Variants in AGMO observed in about 807,000 individuals in gnomAD.
AGMO encodes alkylglycerol monooxygenase.
Under a neutral mutation model 60.2 loss-of-function variants are expected in AGMO, and 75 were observed. That is an observed-to-expected ratio of 1.25 (90% CI 1.03 to 1.51). The LOEUF is 1.51. Ranked by LOEUF, AGMO falls within the 40% of genes most tolerant of loss-of-function variation. AGMO has a pLI of 0.00. For missense variants in AGMO, 763 were observed against 525.5 expected (o/e 1.45, Z -4.42); for synonymous variants, 261 against 177.1 (o/e 1.47, Z -3.76).
intron 3 of AGMO, among the ~76,000 whole-genome samples, chr7:15,478,246 G>A (rs1583593866): frequency 6.6e-6 from 1 of 152,106 alleles, no homozygotes; most frequent in Non-Finnish European, 1.5e-5. Context: ...TCATGCACTC[G>A]ACTTGTTGTC....
chr7:15,505,286 G>C (rs1783483278), intron 3 of AGMO, among the ~76,000 whole-genome samples: 1 of 151,946 alleles, frequency 6.6e-6, no homozygotes, highest in Non-Finnish European at 1.5e-5. Context: ...AAGGTCCTCA[G>C]GATTTATGAG....
At chr7:15,234,923 A>T (rs1272782293) in intron 12 of AGMO, among the ~76,000 whole-genome samples, 1 of 152,168 alleles carries the variant, frequency 6.6e-6, no homozygotes, top group Non-Finnish European at 1.5e-5. Flanking sequence ...ACATAAATTT[A>T]TAAAGATCTG....
At chr7:15,126,652 A>G in the AGMO span, among the ~76,000 whole-genome samples, 1 of 152,124 alleles carries the variant, frequency 6.6e-6, no homozygotes, top group South Asian at 2.1e-4. Context: ...ATTGTGACTT[A>G]CTTTTCAATC....
chr7:15,554,655 T>A (rs1241866917), intron 2 of AGMO, among the ~76,000 whole-genome samples: 1 of 152,118 alleles, frequency 6.6e-6, no homozygotes. Flanking sequence ...AATTTGTCAA[T>A]GTTCAGTTAC....
chr7:15,264,375 C>A (rs1336071730), intron 12 of AGMO, among the ~76,000 whole-genome samples: 2 of 151,752 alleles, frequency 1.3e-5, no homozygotes, highest in East Asian at 1.9e-4. Context: ...TAATGGACAA[C>A]CCTAGACCCA....
chr7:15,300,630 T>G (rs1352467293), intron 12 of AGMO, among the ~76,000 whole-genome samples: 2 of 152,142 alleles, frequency 1.3e-5, no homozygotes, highest in Admixed American at 1.3e-4. Flanking sequence ...AATACAACAC[T>G]CATACTACAC....
the AGMO span, among the ~76,000 whole-genome samples, chr7:15,117,406 C>T: frequency 6.6e-6 from 1 of 152,020 alleles, no homozygotes; most frequent in African/African-American, 2.4e-5. Context: ...TAATATTCTA[C>T]ACCTTGATTG....
At chr7:15,523,302 T>G (rs1784049144) in intron 3 of AGMO, among the ~76,000 whole-genome samples, 1 of 152,188 alleles carries the variant, frequency 6.6e-6, no homozygotes, top group East Asian at 1.9e-4. Flanking sequence ...GAACTAGAAG[T>G]ACCATTTGAC....
chr7:15,319,790 A>AT (rs1563084630), intron 12 of AGMO, among the ~76,000 whole-genome samples: 1 of 151,988 alleles, frequency 6.6e-6, no homozygotes, highest in South Asian at 2.1e-4. Flanking sequence ...ATTTGACATA[A>AT]TTATTATTAT....
At chr7:15,291,406 A>G (rs957223674) in intron 12 of AGMO, among the ~76,000 whole-genome samples, 5 of 152,174 alleles carry the variant, frequency 3.3e-5, no homozygotes, top group African/African-American at 1.2e-4. Flanking sequence ...CTTCAGCTCT[A>G]TTGTATTTCT....
At chr7:15,494,944 A>G (rs926452900) in intron 3 of AGMO, among the ~76,000 whole-genome samples, 1 of 152,228 alleles carries the variant, frequency 6.6e-6, no homozygotes, top group Admixed American at 6.5e-5. Flanking sequence ...AAGAAGAAAG[A>G]CATTTTTACA....
chr7:15,325,848 T>C (rs1346992695), intron 12 of AGMO, among the ~76,000 whole-genome samples: 1 of 152,166 alleles, frequency 6.6e-6, no homozygotes, highest in African/African-American at 2.4e-5. Flanking sequence ...ACTATAGCAA[T>C]TTATGACATC....
intron 3 of AGMO, among the ~76,000 whole-genome samples, chr7:15,448,369 T>C (rs1268675420): frequency 6.6e-6 from 1 of 152,192 alleles, no homozygotes; most frequent in Non-Finnish European, 1.5e-5. Flanking sequence ...TGGTCATCTA[T>C]GGACCAGGAA....
intron 12 of AGMO, among the ~76,000 whole-genome samples, chr7:15,334,306 GGTGA>G (rs552883880): frequency 8.1e-5 from 10 of 123,770 alleles, no homozygotes; most frequent in African/African-American, 1.0e-4. Flanking sequence ...TTATAACCTT[GGTGA>G]GTTTTTTTTT....
intron 12 of AGMO, among the ~76,000 whole-genome samples, chr7:15,315,112 C>T (rs1384207651): frequency 2.0e-5 from 3 of 151,930 alleles, no homozygotes; most frequent in Non-Finnish European, 2.9e-5. Flanking sequence ...TTGATTTTGC[C>T]CTTGTGAAAC....
intron 4 of AGMO, among the ~76,000 whole-genome samples, chr7:15,420,508 G>A (rs1223616753): frequency 6.6e-6 from 1 of 152,050 alleles, no homozygotes; most frequent in Non-Finnish European, 1.5e-5. Flanking sequence ...TGAATCACAT[G>A]AGTGATAATT....
intron 12 of AGMO, among the ~76,000 whole-genome samples, chr7:15,248,865 C>T (rs1317713138): frequency 1.1e-4 from 16 of 152,286 alleles, no homozygotes; most frequent in East Asian, 3.9e-4. Flanking sequence ...GTTTCTACAA[C>T]GCCAATCACT....
intron 8 of AGMO, 30 bp downstream of exon 8, chr7:15,390,641 T>G: frequency 6.8e-7 from 1 of 1,463,124 alleles, no homozygotes; most frequent in Non-Finnish European, 9.4e-7. Context: ...ATGATATAAA[T>G]GAAGAAAGAA....
chr7:15,289,386 A>G (rs1191915644), intron 12 of AGMO, among the ~76,000 whole-genome samples: 1 of 152,048 alleles, frequency 6.6e-6, no homozygotes, highest in African/African-American at 2.4e-5. Context: ...AAAAAAAAGT[A>G]GGTACATTTT....
Sources: gnomAD v4.1 joint callset for allele counts (sites outside exome capture counted in the v4.1 genomes callset) on GRCh38, gnomAD v4.1.1 for gene constraint, MANE v1.5 for transcripts, NCBI Gene and HGNC (gene_info 2026-07-23, HGNC 2026-07-21) for gene names.